Variants in CLSTN2 observed in about 807,000 individuals in gnomAD.
CLSTN2 encodes calsyntenin 2.
CLSTN2 carries 48 observed loss-of-function variants against 101.2 expected under a neutral mutation model. That is an observed-to-expected ratio of 0.47 (90% CI 0.38 to 0.60). The LOEUF is 0.60. Among genes scored for constraint, CLSTN2 ranks in the 20% least tolerant of loss-of-function variants. CLSTN2 has a pLI of 0.00. For missense variants in CLSTN2, 1,160 were observed against 1,238.2 expected (o/e 0.94, Z 0.95); for synonymous variants, 481 against 463.6 (o/e 1.04, Z -0.48).
At chr3:140,431,803 C>A (rs966502163) in intron 5 of CLSTN2, among the ~76,000 whole-genome samples, 4 of 152,154 alleles carry the variant, frequency 2.6e-5, no homozygotes, top group Non-Finnish European at 5.9e-5. Context: ...CATAATCTAG[C>A]CACAGGCTTT....
chr3:140,450,381 A>G (rs1306309960), intron 6 of CLSTN2, among the ~76,000 whole-genome samples: 1 of 152,192 alleles, frequency 6.6e-6, no homozygotes, highest in Non-Finnish European at 1.5e-5. Flanking sequence ...AATGAGAAAA[A>G]GAGCATCTCA....
intron 9 of CLSTN2, among the ~76,000 whole-genome samples, chr3:140,542,921 C>G (rs1935513618): frequency 6.6e-6 from 1 of 152,170 alleles, no homozygotes. Context: ...TCAGCTGGTC[C>G]TGTGCATGGA....
At chr3:140,489,248 G>T (rs1336451652) in intron 8 of CLSTN2, among the ~76,000 whole-genome samples, 1 of 152,108 alleles carries the variant, frequency 6.6e-6, no homozygotes, top group East Asian at 1.9e-4. Context: ...AGCTGGTAAG[G>T]TTTCAATTAT....
intron 1 of CLSTN2, among the ~76,000 whole-genome samples, chr3:140,024,430 T>C (rs2007378069): frequency 6.6e-6 from 1 of 152,140 alleles, no homozygotes; most frequent in Admixed American, 6.5e-5. Context: ...TGCATGGCTG[T>C]TTTTTTGTTT....
intron 4 of CLSTN2, among the ~76,000 whole-genome samples, chr3:140,413,166 A>G (rs1274212600): frequency 1.3e-5 from 2 of 152,214 alleles, no homozygotes; most frequent in East Asian, 1.9e-4. Flanking sequence ...AAAAAAACAG[A>G]GACAAGACTC....
intron 1 of CLSTN2, among the ~76,000 whole-genome samples, chr3:140,111,640 A>G (rs893500276): frequency 2.0e-5 from 3 of 152,186 alleles, no homozygotes; most frequent in Non-Finnish European, 2.9e-5. Context: ...ACATCAGTCT[A>G]TGAGAGCTTG....
intron 8 of CLSTN2, chr3:140,507,691 C>G (rs1243432694): frequency 6.6e-6 from 1 of 152,096 alleles, no homozygotes; most frequent in Non-Finnish European, 1.5e-5. Flanking sequence ...CACCTTGTAC[C>G]TCTACTCATA....
At chr3:140,359,453 A>G (rs900407402) in intron 2 of CLSTN2, among the ~76,000 whole-genome samples, 2 of 152,252 alleles carry the variant, frequency 1.3e-5, no homozygotes, top group Admixed American at 1.3e-4. Flanking sequence ...GCTAAACATT[A>G]TGTGTACACA....
At chr3:140,527,699 A>G (rs147454020) in intron 8 of CLSTN2, among the ~76,000 whole-genome samples, 4 of 152,366 alleles carry the variant, frequency 2.6e-5, no homozygotes, top group African/African-American at 7.2e-5. Flanking sequence ...TGAATAAAGA[A>G]AATGTGGTAC....
chr3:140,130,972 C>G (rs1334084622), intron 1 of CLSTN2, among the ~76,000 whole-genome samples: 1 of 152,076 alleles, frequency 6.6e-6, no homozygotes, highest in Non-Finnish European at 1.5e-5. Context: ...AGTTTCTCCC[C>G]CTGGACCCCT....
chr3:140,336,551 G>A (rs1006220238), intron 2 of CLSTN2, among the ~76,000 whole-genome samples: 5 of 152,152 alleles, frequency 3.3e-5, no homozygotes, highest in African/African-American at 1.2e-4. Context: ...GTCTCTCACT[G>A]TTTAGCACCC....
At position 140,558,738 on chromosome 3, in the gene CLSTN2, A is replaced by G; in HGVS notation, c.1922A>G (p.Asp641Gly). Residue 641 changes from aspartate to glycine, a missense_variant, in exon 12 of 17, where the codon GAC (aspartate) becomes GGC (glycine). Transcript: ENST00000458420. ...IEPRITLRGT[D>G]HFWRPAAQFE... ...CCCCGGATCACCCTCCGGGGCACAGACCACTTCTGGAGACCTGCTGCCCAG... is the reference window on the plus strand; with the variant it reads ...CCCCGGATCACCCTCCGGGGCACAGGCCACTTCTGGAGACCTGCTGCCCAG... The G allele has an allele frequency of 6.2e-7, 1 of 1,614,080 alleles. No homozygotes were observed. The highest frequency in any genetic ancestry group is 8.5e-7 in the Non-Finnish European group (1 of 1,180,004).
intron 2 of CLSTN2, among the ~76,000 whole-genome samples, chr3:140,239,854 T>A (rs2086444666): frequency 6.6e-6 from 1 of 152,010 alleles, no homozygotes; most frequent in South Asian, 2.1e-4. Context: ...ATACATTATG[T>A]ATGTATGTAT....
In CLSTN2 at chr3:140,021,738, T is replaced by C. The variant is rs1029079721; in HGVS notation, c.109+86255T>C. ...GCCACTGCACTTGATATTCTACCCATAAGAGATCAATTTCTTTGGGGTTTA... is the reference window on the plus strand; with the variant it reads ...GCCACTGCACTTGATATTCTACCCACAAGAGATCAATTTCTTTGGGGTTTA... On this transcript the variant is annotated intron_variant, in intron 1 of 16. Coordinates refer to ENST00000458420, the MANE Select transcript of CLSTN2 (RefSeq NM_022131.3). Among the ~76,000 whole-genome samples, 4 of 152,310 alleles carry C rather than the reference T, an allele frequency of 2.6e-5. No homozygotes were observed. The East Asian group carries it at 7.7e-4, about 29-fold the overall frequency.
intron 2 of CLSTN2, among the ~76,000 whole-genome samples, chr3:140,193,526 T>TTGTTTGTG (rs1367059794): frequency 1.3e-5 from 2 of 152,032 alleles, no homozygotes; most frequent in African/African-American, 4.8e-5. Context: ...TTTTGTTTGT[T>TTGTTTGTG]TGTTTGTTTG....
chr3:140,533,090 C>T (rs547826118), intron 9 of CLSTN2, among the ~76,000 whole-genome samples: 1 of 152,336 alleles, frequency 6.6e-6, no homozygotes, highest in South Asian at 2.1e-4. Context: ...GCCCCTTCCT[C>T]TCTTCTTGTG....
intron 2 of CLSTN2, among the ~76,000 whole-genome samples, chr3:140,244,514 G>C (rs934823567): frequency 6.6e-6 from 1 of 152,160 alleles, no homozygotes; most frequent in Non-Finnish European, 1.5e-5. Context: ...CATGCACTTA[G>C]AGCACCAGGC....
chr3:140,376,262 G>A (rs147888398), intron 2 of CLSTN2, among the ~76,000 whole-genome samples: 1 of 152,310 alleles, frequency 6.6e-6, no homozygotes, highest in African/African-American at 2.4e-5. Flanking sequence ...GCTTGGCTCA[G>A]TTTTCAACTT....
In CLSTN2 at chr3:140,245,663, C is replaced by CAA. The variant is rs11375603; in HGVS notation, c.232+69597_232+69598dup. Among the ~76,000 whole-genome samples, 165 of 151,960 alleles carry CAA rather than the reference C, an allele frequency of 1.1e-3. 1 individual carries two copies. In the East Asian group the frequency reaches 0.013, roughly 12 times the overall value. ...AGAGACCATTAGCTCCGCCCTCCCA[C>CAA]AAAAAAAATGTGACAACTGACAAAT... On this transcript the variant is annotated intron_variant, in intron 2 of 16. Coordinates refer to ENST00000458420, the MANE Select transcript of CLSTN2 (RefSeq NM_022131.3).
Sources: allele counts gnomAD v4.1 joint callset (sites outside exome capture counted in the v4.1 genomes callset), GRCh38; gene constraint gnomAD v4.1.1; transcripts MANE v1.5; gene names NCBI Gene and HGNC (gene_info 2026-07-23, HGNC 2026-07-21).